The following BMPR1A variants were observed in gnomAD, a reference collection of about 807,000 sequenced individuals.
BMPR1A encodes bone morphogenetic protein receptor type-1A.
BMPR1A carries 7 observed loss-of-function variants against 66.0 expected under a neutral mutation model. The observed-to-expected ratio is 0.11, with a 90% CI of 0.06 to 0.20. The LOEUF is 0.20. BMPR1A is among the 10% of genes least tolerant of loss of function. BMPR1A has a pLI of 1.00. For missense variants in BMPR1A, 408 were observed against 669.1 expected (o/e 0.61, Z 4.31); for synonymous variants, 200 against 229.7 (o/e 0.87, Z 1.17).
At chr10:86,867,461 G>A (rs2133271484) in intron 2 of BMPR1A, among the ~76,000 whole-genome samples, 1 of 152,282 alleles carries the variant, frequency 6.6e-6, no homozygotes, top group East Asian at 1.9e-4. Context: ...GGTCATTTCT[G>A]CGTGTTCTAG....
At chr10:86,836,224 C>T (rs1470175469) in intron 1 of BMPR1A, among the ~76,000 whole-genome samples, 1 of 152,196 alleles carries the variant, frequency 6.6e-6, no homozygotes. Context: ...ACATTTTGCT[C>T]ATGTACATCT....
At chr10:86,792,258 G>A (rs1841638613) in intron 1 of BMPR1A, among the ~76,000 whole-genome samples, 1 of 151,714 alleles carries the variant, frequency 6.6e-6, no homozygotes, top group African/African-American at 2.4e-5. Flanking sequence ...AGTAGAGATG[G>A]GTTTCACCAT....
intron 1 of BMPR1A, among the ~76,000 whole-genome samples, chr10:86,761,168 G>A (rs960601880): frequency 5.3e-5 from 8 of 152,218 alleles, no homozygotes; most frequent in African/African-American, 1.9e-4. Flanking sequence ...GGTGGCCCCT[G>A]TGGTCCCTAA....
chr10:86,791,448 G>A (rs1167265065), intron 1 of BMPR1A, among the ~76,000 whole-genome samples: 1 of 151,310 alleles, frequency 6.6e-6, no homozygotes, highest in African/African-American at 2.4e-5. Flanking sequence ...TCCTCACCTC[G>A]TGATGTCCCC....
chr10:86,853,278 C>T (rs964871725), intron 2 of BMPR1A, among the ~76,000 whole-genome samples: 28 of 151,182 alleles, frequency 1.9e-4, no homozygotes, highest in African/African-American at 5.8e-4. Context: ...GCCTTTGGCC[C>T]AGATGATCTT....
chr10:86,906,749 A>AAAAAAAAAAAAAC, intron 7 of BMPR1A, among the ~76,000 whole-genome samples: 1 of 34,408 alleles, frequency 2.9e-5, no homozygotes, highest in Non-Finnish European at 4.3e-5. Flanking sequence ...AAAAAAAAAA[A>AAAAAAAAAAAAAC]AAAAAAAAAA....
intron 3 of BMPR1A, among the ~76,000 whole-genome samples, chr10:86,883,871 C>CTTTTTTT: frequency 7.4e-6 from 1 of 135,250 alleles, no homozygotes; most frequent in Non-Finnish European, 1.6e-5. Flanking sequence ...GAGCGTATGA[C>CTTTTTTT]TTTTTTTTTT....
At chr10:86,796,514 T>TA (rs1356490895) in intron 1 of BMPR1A, among the ~76,000 whole-genome samples, 2 of 151,502 alleles carry the variant, frequency 1.3e-5, no homozygotes, top group Non-Finnish European at 2.9e-5. Flanking sequence ...TTTATTTATT[T>TA]ATTTATTTAT....
intron 1 of BMPR1A, among the ~76,000 whole-genome samples, chr10:86,786,901 C>T (rs1333173605): frequency 6.6e-6 from 1 of 152,222 alleles, no homozygotes; most frequent in African/African-American, 2.4e-5. Flanking sequence ...TCTGCTTTAA[C>T]ATCAGTCTAC....
downstream of BMPR1A, chr10:86,931,298 C>CACACACACACACACATATATATATAT: frequency 1.1e-5 from 1 of 90,924 alleles, no homozygotes; most frequent in African/African-American, 7.0e-5. Flanking sequence ...CACACACACA[C>CACACACACACACACATATATATATAT]ATATATATAT....
At chr10:86,785,468 G>A (rs1247167824) in intron 1 of BMPR1A, among the ~76,000 whole-genome samples, 3 of 152,168 alleles carry the variant, frequency 2.0e-5, no homozygotes, top group Non-Finnish European at 4.4e-5. Flanking sequence ...ACCACATCTA[G>A]CTAATTTTGT....
In BMPR1A at chr10:86,835,854, G is replaced by T. The variant is rs922793165; in HGVS notation, c.-267-3011G>T. On this transcript the variant is annotated intron_variant, in intron 1 of 12. Transcript: ENST00000372037. ...TGACAAGAAAAGATGTTTTGTAAGG[G>T]AAATGTGGAATTAAAATGAACTTTT... Among the ~76,000 whole-genome samples the T allele has an allele frequency of 3.3e-5, 5 of 152,268 alleles. No homozygotes were observed. The South Asian group carries it at 1.0e-3, about 32-fold the overall frequency.
At position 86,923,380 on chromosome 10, in the gene BMPR1A, C is replaced by G. The variant is rs1057520966; in HGVS notation, c.1347C>G (p.Ile449Met). ...EMARRCITGG[I>M]VEEYQLPYYN... ...TGTTTTCTCATTCCCTTATAGGGAT[C>G]GTGGAAGAATACCAATTGCCATATT... is the stretch of plus-strand genomic sequence containing the variant. The change falls in exon 12 of 13, where the codon ATC becomes ATG. Residue 449 changes from isoleucine to methionine, a missense_variant. Physicochemically the swap from Ile to Met is conservative, Grantham distance 10 (BLOSUM62 1). This residue lies in a region of BMPR1A where 130 missense variants were observed against 257.3 expected (regional missense o/e 0.51). Coordinates refer to ENST00000372037, the MANE Select transcript of BMPR1A (RefSeq NM_004329.3). The G allele has an allele frequency of 2.5e-6, 4 of 1,614,028 alleles. No individual in the cohort carries two copies. The highest frequency in any genetic ancestry group is 2.5e-6 in the Non-Finnish European group (3 of 1,180,006).
At position 86,925,719 on chromosome 10, in the gene BMPR1A, A is replaced by ATTTTTTTTTTTTTT. The variant is rs1163006358; in HGVS notation, c.*2001_*2002insTTTTTTTTTTTTTT. The ATTTTTTTTTTTTTT allele has an allele frequency of 1.5e-4, 19 of 123,444 alleles. No homozygotes were observed. The highest frequency in any genetic ancestry group is 3.1e-4 in the African/African-American group (6 of 19,226). 7.6% of individuals were successfully genotyped at this position (123,444 alleles called of 1,614,324 possible). ...ACCATAATCTTTAAAATCATTTGTC[A>ATTTTTTTTTTTTTT]TCTTTTTTTTTTTTTTTTTGAGACG... On this transcript the variant is annotated 3_prime_UTR_variant, in exon 13 of 13. Coordinates refer to ENST00000372037, the MANE Select transcript of BMPR1A (RefSeq NM_004329.3).
At chr10:86,786,661 C>T (rs1841522691) in intron 1 of BMPR1A, among the ~76,000 whole-genome samples, 1 of 152,184 alleles carries the variant, frequency 6.6e-6, no homozygotes, top group Admixed American at 6.5e-5. Flanking sequence ...GACCCACTGG[C>T]TTTGAAACCC....
At chr10:86,800,698 A>AT (rs902788844) in intron 1 of BMPR1A, among the ~76,000 whole-genome samples, 8 of 152,298 alleles carry the variant, frequency 5.3e-5, no homozygotes, top group Admixed American at 5.2e-4. Context: ...TGGCCAGGCG[A>AT]TTTGTGTTTT....
chr10:86,840,764 C>T (rs751826190), intron 2 of BMPR1A, among the ~76,000 whole-genome samples: 8 of 152,162 alleles, frequency 5.3e-5, no homozygotes, highest in Non-Finnish European at 8.8e-5. Context: ...CACCCAGGCT[C>T]AGAGTCTCAG....
At chr10:86,898,387 A>G (rs539986636) in intron 5 of BMPR1A, among the ~76,000 whole-genome samples, 6 of 152,250 alleles carry the variant, frequency 3.9e-5, no homozygotes, top group South Asian at 4.2e-4. Context: ...TCTTTCAGCC[A>G]TCTCTCTTAC....
At chr10:86,808,393 C>A (rs1841921604) in intron 1 of BMPR1A, among the ~76,000 whole-genome samples, 1 of 152,100 alleles carries the variant, frequency 6.6e-6, no homozygotes, top group Non-Finnish European at 1.5e-5. Context: ...TTTTCAGTAT[C>A]ATTGATACTA....
Sources: gnomAD v4.1 joint callset for allele counts (sites outside exome capture counted in the v4.1 genomes callset) on GRCh38, gnomAD v4.1.1 for gene constraint, gnomAD v4.1.1 regional missense constraint, MANE v1.5 for transcripts, NCBI Gene and HGNC (gene_info 2026-07-23, HGNC 2026-07-21) for gene names.